Variants in ZNF248 observed in about 807,000 individuals in gnomAD.
ZNF248 encodes the protein zinc finger protein 248, also known as KRAB protein domain.
ZNF248 carries 20 observed loss-of-function variants against 44.3 expected under a neutral mutation model. That is an observed-to-expected ratio of 0.45 (90% CI 0.32 to 0.66). ZNF248 has a LOEUF of 0.66. Among genes scored for constraint, ZNF248 ranks in the 30% least tolerant of loss-of-function variants. The probability of loss-of-function intolerance (pLI) is 0.04; values close to 1 mark genes in which losing one functional copy is unlikely to be tolerated. For missense variants in ZNF248, 654 were observed against 677.0 expected, an observed-to-expected ratio of 0.97 and a Z score of 0.38; for synonymous variants, 224 against 229.0, an observed-to-expected ratio of 0.98 and a Z score of 0.20.
At chr10:37,764,192 G>C in the ZNF248 span, among the ~76,000 whole-genome samples, 1 of 152,102 alleles carries the variant, frequency 6.6e-6, no homozygotes, top group Non-Finnish European at 1.5e-5. Flanking sequence ...CATTCCTAGG[G>C]GGAGGTCTCT....
chr10:37,778,115 A>T (rs972587613), intron 6 of ZNF248, among the ~76,000 whole-genome samples: 1 of 152,154 alleles, frequency 6.6e-6, no homozygotes, highest in East Asian at 1.9e-4. Flanking sequence ...CGCCACACTG[A>T]CTTCCACAAT....
the ZNF248 span, among the ~76,000 whole-genome samples, chr10:37,770,871 A>G: frequency 6.6e-6 from 1 of 152,216 alleles, no homozygotes; most frequent in East Asian, 1.9e-4. Context: ...CAACCTACTC[A>G]TCTGACAAAG....
At chr10:37,761,214 C>T in the ZNF248 span, among the ~76,000 whole-genome samples, 1 of 152,206 alleles carries the variant, frequency 6.6e-6, no homozygotes, top group African/African-American at 2.4e-5. Flanking sequence ...GGATTAAATG[C>T]CCTTCCCTGG....
intron 6 of ZNF248, among the ~76,000 whole-genome samples, chr10:37,807,008 G>C (rs1057115219): frequency 6.6e-6 from 1 of 150,954 alleles, no homozygotes; most frequent in African/African-American, 2.4e-5. Context: ...TTTTGAGACA[G>C]AGTCTCACTC....
At chr10:37,850,385 T>C (rs573697583) in intron 3 of ZNF248, among the ~76,000 whole-genome samples, 2 of 152,220 alleles carry the variant, frequency 1.3e-5, no homozygotes, top group Non-Finnish European at 2.9e-5. Context: ...TTAAAATCAG[T>C]ATCTTGATGA....
rs538741261 is a variant in ZNF248, at chr10:37,845,479, G to C, written c.16-7368C>G. On this transcript the variant is annotated intron_variant, in intron 3 of 5. Transcript: ENST00000395867. ...CAAAAGCTAAAACAAAATCAAAAGAGAACTTTAAAAGCAGCCATATAAAAA... is the reference window on the plus strand; with the variant it reads ...CAAAAGCTAAAACAAAATCAAAAGACAACTTTAAAAGCAGCCATATAAAAA... Among the ~76,000 whole-genome samples the C allele has an allele frequency of 1.5e-3, 219 of 149,314 alleles. 2 individuals carry two copies. Among genetic ancestry groups the C allele is most frequent in the Non-Finnish European group, 2.0e-3 (136 of 67,494 alleles).
At chr10:37,838,163 A>C in intron 3 of ZNF248, 52 bp from the exon 4 acceptor site, 1 of 1,541,372 alleles carries the variant, frequency 6.5e-7, no homozygotes, top group Middle Eastern at 1.7e-4. Flanking sequence ...GATGATACAG[A>C]AAAGATTTAA....
rs182330933 is a variant in ZNF248, at chr10:37,786,263, A to G, written c.331-9688T>C. On this transcript the variant is annotated intron_variant, in intron 6 of 6. Transcript: ENST00000615949. ...TTCACGGGAATCCTTCTACTCTGGA[A>G]AAACAGTGAATTGTTCTATTTGGAA... 7.7e-4 allele frequency among the ~76,000 whole-genome samples: 117 copies of G among 152,354 alleles called. 1 individual carries two copies. The highest frequency in any genetic ancestry group is 1.4e-3 in the Non-Finnish European group (93 of 68,032).
chr10:37,819,208 G>A, intron 6 of ZNF248: 1 of 810,530 alleles, frequency 1.2e-6, no homozygotes, highest in Non-Finnish European at 2.2e-6. Flanking sequence ...CAGTCTGCAT[G>A]ATAATGGACC....
chr10:37,813,700 T>C (rs1038545631), intron 6 of ZNF248, among the ~76,000 whole-genome samples: 20 of 152,204 alleles, frequency 1.3e-4, no homozygotes, highest in African/African-American at 4.8e-4. Flanking sequence ...AGTCTTCTGG[T>C]CAATAGTATG....
At chr10:37,822,398 T>C (rs1372854391) in intron 6 of ZNF248, among the ~76,000 whole-genome samples, 1 of 148,734 alleles carries the variant, frequency 6.7e-6, no homozygotes, top group Non-Finnish European at 1.5e-5. Flanking sequence ...AAAAACTATA[T>C]ATATATTAAA....
rs9418295 is a variant in ZNF248 at position 37,831,013 on chromosome 10, T to A, written c.*602A>T. 117,989 of 842,740 alleles carry A rather than the reference T, an allele frequency of 0.14. 8,627 individuals carry two copies. The highest frequency in any genetic ancestry group is 0.2 in the Admixed American group (4,605 of 22,710). The allele number at this position is 842,740 out of a possible 1,614,324, so 52.2% of individuals were successfully genotyped here. On this transcript the variant is annotated 3_prime_UTR_variant, in exon 6 of 6. Transcript: ENST00000395867. ...ATACTAGCACATCACTATATTTAAGTATGTGTGTAGAAATATATTTACATA... is the reference window on the plus strand; with the variant it reads ...ATACTAGCACATCACTATATTTAAGAATGTGTGTAGAAATATATTTACATA...
Position 37,829,532 on chromosome 10 carries a change from C to A in ZNF248, c.*2083G>T. 1 of 985,352 alleles carries A rather than the reference C, an allele frequency of 1.0e-6. No homozygotes were observed. Among genetic ancestry groups the A allele is most frequent in the Non-Finnish European group, 1.2e-6 (1 of 829,928 alleles). The allele number at this position is 985,352 out of a possible 1,614,324, so 61.0% of individuals were successfully genotyped here. On this transcript the variant is annotated 3_prime_UTR_variant, in exon 6 of 6. Coordinates refer to ENST00000395867, the MANE Select transcript of ZNF248 (RefSeq NM_021045.3). ...TGTGTCAGCTGGAATGCCTTCAGCT[C>A]TAAGTATCAGACAGCCCTAAGACCA...
At chr10:37,851,649 A>C (rs533600630) in intron 3 of ZNF248, among the ~76,000 whole-genome samples, 29 of 152,010 alleles carry the variant, frequency 1.9e-4, no homozygotes, top group African/African-American at 7.0e-4. Context: ...CTTCCAGTAC[A>C]GTTCTAAGAC....
At chr10:37,856,834 A>G in intron 1 of ZNF248, 1 of 570,754 alleles carries the variant, frequency 1.8e-6, no homozygotes, top group Non-Finnish European at 2.2e-6. Flanking sequence ...CAAAATGGGC[A>G]GCAGTGGCTC....
chr10:37,826,970 G>A (rs966143425), downstream of ZNF248, among the ~76,000 whole-genome samples: 1 of 152,166 alleles, frequency 6.6e-6, no homozygotes, highest in African/African-American at 2.4e-5. Flanking sequence ...TTACTTTAGG[G>A]AAGTGAACCA....
At chr10:37,773,868 G>C (rs1200856994), downstream of ZNF248, among the ~76,000 whole-genome samples, 1 of 152,136 alleles carries the variant, frequency 6.6e-6, no homozygotes, top group Admixed American at 6.6e-5. Flanking sequence ...CTTCAGAAAA[G>C]GAATTATGCC....
chr10:37,770,141 G>A, the ZNF248 span, among the ~76,000 whole-genome samples: 11 of 152,068 alleles, frequency 7.2e-5, no homozygotes, highest in East Asian at 1.9e-4. Flanking sequence ...AACAAATGGA[G>A]GAACATTCCA....
In ZNF248 at chr10:37,837,992, G is replaced by C; in HGVS notation, c.135C>G (p.Val45=). Residue 45 remains valine (V), a synonymous_variant, in exon 4 of 6, where the codon GTC becomes GTG. Coordinates refer to ENST00000395867, the MANE Select transcript of ZNF248 (RefSeq NM_021045.3). ...CGGAAAAAAACTCCTTACCTACTGAGACAAGATTGCTATAATTTTCCAGGA... is the reference window on the plus strand; with the variant it reads ...CGGAAAAAAACTCCTTACCTACTGACACAAGATTGCTATAATTTTCCAGGA... ...DVILENYSNL[V]SVGYCITKPE... 1 of 1,613,174 alleles carries C rather than the reference G, an allele frequency of 6.2e-7. No individual in the cohort carries two copies. Among genetic ancestry groups the C allele is most frequent in the Non-Finnish European group, 8.5e-7 (1 of 1,179,474 alleles).
Sources: gnomAD v4.1 joint callset for allele counts (sites outside exome capture counted in the v4.1 genomes callset) on GRCh38, gnomAD v4.1.1 for gene constraint, MANE v1.5 for transcripts, NCBI Gene and HGNC (gene_info 2026-07-23, HGNC 2026-07-21) for gene names.